Variants in LYPLAL1 observed in about 807,000 individuals in gnomAD.
LYPLAL1 encodes the protein lysophospholipase-like protein 1.
In LYPLAL1, 23 loss-of-function variants were observed where a neutral mutation model predicts 19.7. The ratio of observed to expected loss-of-function variants is 1.17; its 90% CI spans 0.84 to 1.65. The LOEUF is 1.65. Ranked by LOEUF, LYPLAL1 falls within the 40% of genes most tolerant of loss-of-function variation. The probability of loss-of-function intolerance (pLI) is 0.00; values close to 1 mark genes in which losing one functional copy is unlikely to be tolerated. For synonymous variants in LYPLAL1, 119 were observed against 96.3 expected, an observed-to-expected ratio of 1.24 and a Z score of -1.38; for missense variants, 355 against 279.4, an observed-to-expected ratio of 1.27 and a Z score of -1.93.
downstream of LYPLAL1, among the ~76,000 whole-genome samples, chr1:219,215,116 T>C (rs1465693800): frequency 6.6e-6 from 1 of 152,172 alleles, no homozygotes; most frequent in Non-Finnish European, 1.5e-5. Flanking sequence ...GGTATTTTCA[T>C]TGTGACTGAA....
the LYPLAL1 span, among the ~76,000 whole-genome samples, chr1:219,396,667 A>G: frequency 6.6e-6 from 1 of 151,780 alleles, no homozygotes; most frequent in Non-Finnish European, 1.5e-5. Flanking sequence ...ATTCCTAGGT[A>G]TTTTACTTAA....
chr1:219,367,468 G>C, the LYPLAL1 span, among the ~76,000 whole-genome samples: 1 of 151,782 alleles, frequency 6.6e-6, no homozygotes, highest in Non-Finnish European at 1.5e-5. Flanking sequence ...AGTCAGATTT[G>C]GTTCAGCCTC....
the LYPLAL1 span, among the ~76,000 whole-genome samples, chr1:219,375,764 CAG>C: frequency 7.6e-6 from 1 of 130,892 alleles, no homozygotes; most frequent in African/African-American, 2.8e-5. Context: ...GGCGTGGGGG[CAG>C]AGTCTCGCTC....
the LYPLAL1 span, among the ~76,000 whole-genome samples, chr1:219,365,249 T>A: frequency 6.6e-6 from 1 of 152,036 alleles, no homozygotes. Context: ...TTAGACAAGG[T>A]GAAAGGAGGT....
the LYPLAL1 span, among the ~76,000 whole-genome samples, chr1:219,264,568 CTGTT>C: frequency 1.1e-4 from 16 of 152,252 alleles, no homozygotes; most frequent in Admixed American, 8.5e-4. Context: ...TTGGGTCTGT[CTGTT>C]TGTGACATGT....
At chr1:219,258,300 G>A in the LYPLAL1 span, among the ~76,000 whole-genome samples, 133 of 152,074 alleles carry the variant, frequency 8.7e-4, no homozygotes, top group Non-Finnish European at 1.6e-3. Context: ...AAAGATAACA[G>A]GATTAAGAGA....
At chr1:219,409,285 C>A in the LYPLAL1 span, among the ~76,000 whole-genome samples, 1 of 152,008 alleles carries the variant, frequency 6.6e-6, no homozygotes, top group African/African-American at 2.4e-5. Flanking sequence ...CCTGTCTCTA[C>A]AAAAAGTACA....
In LYPLAL1 at chr1:219,193,228, T is replaced by G. The variant is rs747732990; in HGVS notation, c.338T>G (p.Ile113Ser). The G allele has an allele frequency of 2.5e-6, 4 of 1,609,964 alleles. No individual in the cohort carries two copies. Among genetic ancestry groups the G allele is most frequent in the South Asian group, 2.2e-5 (2 of 90,916 alleles). The change falls in exon 3 of 5, where the codon ATC becomes AGC. Residue 113 changes from isoleucine (I) to serine (S), a missense_variant. By Grantham distance (142) the Ile-to-Ser change is moderately radical. Transcript: ENST00000366928. ...DLIDEEVKSG[I>S]KKNRILIGGF... ...ATTGATGAAGAAGTAAAAAGTGGCA[T>G]CAAGAAGAACAGGATATTAATAGGT... is the stretch of plus-strand genomic sequence containing the variant.
chr1:219,413,298 A>G, the LYPLAL1 span, among the ~76,000 whole-genome samples: 1 of 152,212 alleles, frequency 6.6e-6, no homozygotes, highest in African/African-American at 2.4e-5. Flanking sequence ...CTATCCTAAA[A>G]TGGTAGCCAT....
the LYPLAL1 span, among the ~76,000 whole-genome samples, chr1:219,279,983 G>T: frequency 6.6e-6 from 1 of 152,200 alleles, no homozygotes; most frequent in Non-Finnish European, 1.5e-5. Flanking sequence ...GAGAGCTCAA[G>T]ATTATTGAAA....
the LYPLAL1 span, among the ~76,000 whole-genome samples, chr1:219,339,448 T>C: frequency 6.6e-6 from 1 of 152,098 alleles, no homozygotes; most frequent in Middle Eastern, 3.2e-3. Flanking sequence ...CTCTCCATTA[T>C]TATTAAGAAT....
the LYPLAL1 span, among the ~76,000 whole-genome samples, chr1:219,256,306 A>G: frequency 1.3e-5 from 2 of 151,876 alleles, no homozygotes; most frequent in African/African-American, 4.8e-5. Context: ...AAATGTGTAC[A>G]TTTTACCTAA....
chr1:219,321,427 C>G, the LYPLAL1 span, among the ~76,000 whole-genome samples: 369 of 152,280 alleles, frequency 2.4e-3, 4 homozygotes, highest in African/African-American at 8.6e-3. Flanking sequence ...TTCTGCTGTG[C>G]AGAAGCTCTT....
the LYPLAL1 span, among the ~76,000 whole-genome samples, chr1:219,300,786 C>T: frequency 3.3e-5 from 5 of 151,980 alleles, no homozygotes; most frequent in Admixed American, 6.6e-5. Context: ...CCGCCTGTCT[C>T]GGCCTCCCTA....
chr1:219,444,063 G>T, the LYPLAL1 span, among the ~76,000 whole-genome samples: 1 of 152,084 alleles, frequency 6.6e-6, no homozygotes, highest in Non-Finnish European at 1.5e-5. Context: ...CTTCAGCTAG[G>T]AATCCATTTT....
chr1:219,198,744 T>C (rs1558236055), intron 3 of LYPLAL1: 1 of 152,200 alleles, frequency 6.6e-6, no homozygotes, highest in South Asian at 2.1e-4. Flanking sequence ...TATGTTTTAA[T>C]ATTACGTGAA....
chr1:219,243,166 G>A, the LYPLAL1 span, among the ~76,000 whole-genome samples: 2 of 152,144 alleles, frequency 1.3e-5, no homozygotes, highest in African/African-American at 4.8e-5. Context: ...ATTTCAGAGA[G>A]ATTTACAACA....
chr1:219,264,924 C>T, the LYPLAL1 span, among the ~76,000 whole-genome samples: 1 of 152,210 alleles, frequency 6.6e-6, no homozygotes, highest in Non-Finnish European at 1.5e-5. Flanking sequence ...GCCTTATACA[C>T]ATTACGTCGC....
the LYPLAL1 span, among the ~76,000 whole-genome samples, chr1:219,278,151 T>A: frequency 6.6e-6 from 1 of 152,200 alleles, no homozygotes; most frequent in Non-Finnish European, 1.5e-5. Flanking sequence ...GTGTAAGCCA[T>A]TTTGCCAAGG....
Sources: gnomAD v4.1 joint callset for allele counts (sites outside exome capture counted in the v4.1 genomes callset) on GRCh38, gnomAD v4.1.1 for gene constraint, MANE v1.5 for transcripts, NCBI Gene and HGNC (gene_info 2026-07-23, HGNC 2026-07-21) for gene names.